The following ECT2L variants were observed in gnomAD, a reference collection of about 807,000 sequenced individuals.
The protein encoded by ECT2L is epithelial cell-transforming sequence 2 oncogene-like.
In ECT2L, 126 loss-of-function variants were observed where a neutral mutation model predicts 122.8. The ratio of observed to expected loss-of-function variants is 1.03; its 90% CI spans 0.89 to 1.19. ECT2L has a LOEUF of 1.19. Ranked by LOEUF, ECT2L falls within the 50% of genes most tolerant of loss-of-function variation. The probability of loss-of-function intolerance (pLI) is 0.00; values close to 1 mark genes in which losing one functional copy is unlikely to be tolerated. For synonymous variants in ECT2L, 385 were observed against 381.8 expected, an observed-to-expected ratio of 1.01 and a Z score of -0.10; for missense variants, 1,012 against 1,064.1, an observed-to-expected ratio of 0.95 and a Z score of 0.68.
At chr6:138,806,511 C>T (rs199863359) in intron 1 of ECT2L, among the ~76,000 whole-genome samples, 17 of 89,656 alleles carry the variant, frequency 1.9e-4, no homozygotes, top group Admixed American at 3.2e-4. Context: ...AAAATTCACG[C>T]TTTTTTTTTT....
intron 5 of ECT2L, among the ~76,000 whole-genome samples, chr6:138,841,215 C>T (rs1441003190): frequency 6.6e-6 from 1 of 152,122 alleles, no homozygotes; most frequent in Admixed American, 6.5e-5. Context: ...TTTGGATCAC[C>T]TGAGGATCTC....
chr6:138,864,693 A>G (rs779905691), intron 11 of ECT2L, among the ~76,000 whole-genome samples: 29 of 152,208 alleles, frequency 1.9e-4, no homozygotes, highest in Admixed American at 5.2e-4. Flanking sequence ...TCTTCCTCAG[A>G]TGACAGCTCA....
chr6:138,888,317 CT>C (rs71270363), intron 19 of ECT2L, among the ~76,000 whole-genome samples: 148 of 128,634 alleles, frequency 1.2e-3, no homozygotes, highest in Admixed American at 3.3e-3. Context: ...TTTTTCTTTT[CT>C]TTTTTTTTTT....
intron 20 of ECT2L, among the ~76,000 whole-genome samples, chr6:138,889,299 C>T (rs918005509): frequency 2.6e-5 from 4 of 152,050 alleles, no homozygotes; most frequent in African/African-American, 9.7e-5. Context: ...AGCAGGCATT[C>T]TAAAGGTTGG....
chr6:138,812,449 TTC>T (rs1486008159), intron 1 of ECT2L, among the ~76,000 whole-genome samples: 3 of 152,256 alleles, frequency 2.0e-5, no homozygotes, highest in African/African-American at 7.2e-5. Context: ...TTTCTTTATA[TTC>T]TCTTTGACCT....
At chr6:138,835,551 C>CAAAAAAAA (rs34328066) in intron 4 of ECT2L, among the ~76,000 whole-genome samples, 1 of 117,856 alleles carries the variant, frequency 8.5e-6, no homozygotes, top group African/African-American at 3.5e-5. Flanking sequence ...GGCCCTGTCT[C>CAAAAAAAA]AAAAAAAAAA....
chr6:138,842,615 CA>C (rs1307636596), intron 5 of ECT2L, among the ~76,000 whole-genome samples: 5 of 151,848 alleles, frequency 3.3e-5, no homozygotes, highest in Non-Finnish European at 7.4e-5. Flanking sequence ...ACTAAAAAAA[CA>C]AAAAAATTAG....
At chr6:138,877,220 C>T (rs1359292544) in intron 14 of ECT2L, among the ~76,000 whole-genome samples, 2 of 152,120 alleles carry the variant, frequency 1.3e-5, no homozygotes. Context: ...ATCTTAAGTC[C>T]TGCAGCCCTG....
At chr6:138,892,253 C>T (rs1779055483) in intron 20 of ECT2L, among the ~76,000 whole-genome samples, 1 of 152,132 alleles carries the variant, frequency 6.6e-6, no homozygotes, top group Non-Finnish European at 1.5e-5. Flanking sequence ...AATGACCCCA[C>T]CAAAGGCATT....
intron 10 of ECT2L, among the ~76,000 whole-genome samples, chr6:138,860,243 A>G (rs931881127): frequency 1.3e-5 from 2 of 151,848 alleles, no homozygotes; most frequent in African/African-American, 4.8e-5. Context: ...ATTTTCTCCT[A>G]TGTTTTTTCT....
intron 11 of ECT2L, among the ~76,000 whole-genome samples, chr6:138,863,151 A>G (rs190735125): frequency 7.9e-4 from 120 of 152,346 alleles, no homozygotes; most frequent in African/African-American, 2.7e-3. Context: ...AGGAAAAACA[A>G]TCAGAGAAAA....
At chr6:138,814,737 A>G (rs972760686) in intron 4 of ECT2L, 134 bp downstream of exon 4, 5 of 581,332 alleles carry the variant, frequency 8.6e-6, no homozygotes, top group Non-Finnish European at 1.4e-5. Context: ...TAAGGTTTAT[A>G]AACAGACTTT....
chr6:138,863,807 G>C (rs898498848), intron 11 of ECT2L, among the ~76,000 whole-genome samples: 4 of 150,772 alleles, frequency 2.7e-5, no homozygotes, highest in Non-Finnish European at 5.9e-5. Context: ...GTAGAGACGG[G>C]GTTTCACCAT....
chr6:138,903,736 T>G lies in ECT2L; in HGVS notation c.*1109T>G, dbSNP rs1376385077. On this transcript the variant is annotated 3_prime_UTR_variant, in exon 22 of 22. Transcript: ENST00000541398. ...TTCCTGGGCCTTTAATGCTTTAAAT[T>G]TATTATTTAACAACTAAAGCCATAC... The G allele has an allele frequency of 6.6e-6, 1 of 152,172 alleles. No individual in the cohort carries two copies. Among genetic ancestry groups the G allele is most frequent in the Non-Finnish European group, 1.5e-5 (1 of 68,030 alleles). 9.4% of individuals were successfully genotyped at this position (152,172 alleles called of 1,614,324 possible).
At chr6:138,879,733 T>C (rs1778582314) in intron 14 of ECT2L, among the ~76,000 whole-genome samples, 1 of 152,066 alleles carries the variant, frequency 6.6e-6, no homozygotes, top group Non-Finnish European at 1.5e-5. Flanking sequence ...GGTGGGTGGA[T>C]CACAAGGTCA....
chr6:138,847,537 A>ATTTTT (rs777070599), intron 8 of ECT2L, among the ~76,000 whole-genome samples: 13 of 123,806 alleles, frequency 1.1e-4, no homozygotes, highest in African/African-American at 4.0e-4. Flanking sequence ...TGCCCGGCTA[A>ATTTTT]TTTTTTTTTT....
At position 138,854,038 on chromosome 6, in the gene ECT2L, G is replaced by A. The variant is rs1028946716; in HGVS notation, c.1082G>A (p.Gly361Asp). The A allele has an allele frequency of 6.8e-6, 11 of 1,613,704 alleles. No homozygotes were observed. Among genetic ancestry groups the A allele is most frequent in the African/African-American group, 1.3e-5 (1 of 74,864 alleles). The change falls in exon 10 of 22, where the codon GGT becomes GAT. Residue 361 changes from glycine to aspartate, a missense_variant. Coordinates refer to ENST00000541398, the MANE Select transcript of ECT2L (RefSeq NM_001077706.3). ...TTTTTTTCCTCAGGCTATAAAATTGGTGTTAAAAATTTACTGAGGCCTGAA... is the reference window on the plus strand; with the variant it reads ...TTTTTTTCCTCAGGCTATAAAATTGATGTTAAAAATTTACTGAGGCCTGAA... The part of the protein sequence containing the change: ...EINLLQGYKI[G>D]VKNLLRPEVR...
At chr6:138,899,196 A>T (rs1419149156) in intron 20 of ECT2L, among the ~76,000 whole-genome samples, 1 of 152,146 alleles carries the variant, frequency 6.6e-6, no homozygotes, top group African/African-American at 2.4e-5. Flanking sequence ...GAAAAAAAGG[A>T]GGGGACCCAA....
Position 138,838,402 on chromosome 6 carries a change from T to A in ECT2L, c.230T>A (p.Phe77Tyr). The change falls in exon 5 of 22, where the codon TTC becomes TAC. Residue 77 changes from phenylalanine (F) to tyrosine (Y), a missense_variant. Coordinates refer to ENST00000541398, the MANE Select transcript of ECT2L (RefSeq NM_001077706.3). ...AGGATGCAAGTGGCCAAAGTGGACT[T>A]CTCTACAGTGTTACCACGCTTCATT... is the stretch of plus-strand genomic sequence containing the variant. ...SERMQVAKVDFSTVLPRFISL... is the reference protein window; with the variant it reads ...SERMQVAKVDYSTVLPRFISL... 6.2e-7 allele frequency: 1 copy of A among 1,613,576 alleles called. No homozygotes were observed. The highest frequency in any genetic ancestry group is 8.5e-7 in the Non-Finnish European group (1 of 1,179,820).
Sources: allele counts gnomAD v4.1 joint callset (sites outside exome capture counted in the v4.1 genomes callset), GRCh38; gene constraint gnomAD v4.1.1; transcripts MANE v1.5; gene names NCBI Gene and HGNC (gene_info 2026-07-23, HGNC 2026-07-21).